The following SLC24A3 variants were observed in gnomAD, a reference collection of about 807,000 sequenced individuals.
SLC24A3 encodes solute carrier family 24 member 3, also known as sodium/potassium/calcium exchanger 3.
Under a neutral mutation model 75.8 loss-of-function variants are expected in SLC24A3, and 28 were observed. That is an observed-to-expected ratio of 0.37 (90% CI 0.27 to 0.51). The LOEUF (loss-of-function observed/expected upper bound fraction) is 0.51, where lower values mean the gene tolerates loss of function less well. Among genes scored for constraint, SLC24A3 ranks in the 20% least tolerant of loss-of-function variants. The pLI, the probability that SLC24A3 is intolerant of heterozygous loss-of-function variation, is 0.94. For missense variants in SLC24A3, 663 were observed against 847.8 expected (o/e 0.78, Z 2.71); for synonymous variants, 372 against 334.1 (o/e 1.11, Z -1.24).
At chr20:19,590,557 A>C (rs2031361018) in intron 6 of SLC24A3, among the ~76,000 whole-genome samples, 1 of 152,148 alleles carries the variant, frequency 6.6e-6, no homozygotes, top group Non-Finnish European at 1.5e-5. Context: ...AGAGCAAGTG[A>C]TCTGTTGAGA....
intron 6 of SLC24A3, among the ~76,000 whole-genome samples, chr20:19,586,407 A>C (rs2031296532): frequency 6.6e-6 from 1 of 152,154 alleles, no homozygotes; most frequent in African/African-American, 2.4e-5. Flanking sequence ...CTCCACTTAC[A>C]ATATCAAGGA....
intron 1 of SLC24A3, among the ~76,000 whole-genome samples, chr20:19,215,452 G>A (rs6136651): frequency 0.08 from 12,128 of 152,062 alleles, 1,982 homozygotes; most frequent in East Asian, 0.7. Flanking sequence ...TAATCTCATA[G>A]GGGGTACCTT....
At chr20:19,392,682 C>T (rs1412898586) in intron 2 of SLC24A3, among the ~76,000 whole-genome samples, 1 of 152,160 alleles carries the variant, frequency 6.6e-6, no homozygotes. Context: ...GGCAATGGTC[C>T]TCCTGTTACC....
chr20:19,572,602 T>C (rs1289501783), intron 3 of SLC24A3, among the ~76,000 whole-genome samples: 1 of 152,144 alleles, frequency 6.6e-6, no homozygotes, highest in African/African-American at 2.4e-5. Flanking sequence ...TATTTGAAAG[T>C]CAACGGAGCT....
chr20:19,398,975 T>C (rs1986504169), intron 2 of SLC24A3, among the ~76,000 whole-genome samples: 1 of 152,198 alleles, frequency 6.6e-6, no homozygotes, highest in Non-Finnish European at 1.5e-5. Flanking sequence ...ATAAATTCGA[T>C]TTCTTTAGTA....
intron 2 of SLC24A3, among the ~76,000 whole-genome samples, chr20:19,296,563 A>G (rs1984065311): frequency 1.3e-5 from 2 of 152,166 alleles, no homozygotes; most frequent in Admixed American, 6.6e-5. Context: ...TCCTAAATAC[A>G]TATGCACCCA....
intron 1 of SLC24A3, among the ~76,000 whole-genome samples, chr20:19,259,084 A>C (rs1269681084): frequency 6.6e-6 from 1 of 152,188 alleles, no homozygotes; most frequent in African/African-American, 2.4e-5. Flanking sequence ...GCTCAGAGAT[A>C]ATTTGCTTCT....
intron 2 of SLC24A3, among the ~76,000 whole-genome samples, chr20:19,379,663 T>A (rs1384157139): frequency 2.6e-5 from 4 of 152,122 alleles, no homozygotes. Flanking sequence ...CTGCTTCCAC[T>A]GCATAATAGT....
chr20:19,379,213 C>T (rs752191250), intron 2 of SLC24A3, among the ~76,000 whole-genome samples: 6 of 152,108 alleles, frequency 3.9e-5, no homozygotes, highest in East Asian at 1.9e-4. Context: ...TCATTTACTC[C>T]GTCACATATG....
Position 19,379,722 on chromosome 20 carries a change from C to T in SLC24A3, c.271+98635C>T, listed in dbSNP as rs534479021. 6.6e-5 allele frequency among the ~76,000 whole-genome samples: 10 copies of T among 152,294 alleles called. 1 individual carries two copies. The South Asian group carries it at 2.1e-3, about 32-fold the overall frequency. On this transcript the variant is annotated intron_variant, in intron 2 of 16. Coordinates refer to ENST00000328041, the MANE Select transcript of SLC24A3 (RefSeq NM_020689.4). ...ACAAGCCTCCCCTCCTCCCTCCAGG[C>T]CACTGTATCTTACAACAACAACAAT...
At chr20:19,698,286 G>A (rs192477378) in intron 14 of SLC24A3, among the ~76,000 whole-genome samples, 2 of 152,348 alleles carry the variant, frequency 1.3e-5, no homozygotes, top group East Asian at 3.9e-4. Context: ...ATGAGATTTT[G>A]TGGGGACACA....
intron 1 of SLC24A3, among the ~76,000 whole-genome samples, chr20:19,277,011 C>T (rs1983510236): frequency 6.6e-6 from 1 of 152,146 alleles, no homozygotes; most frequent in Admixed American, 6.5e-5. Context: ...GAAATAAGAC[C>T]AGTGAGACTT....
intron 2 of SLC24A3, among the ~76,000 whole-genome samples, chr20:19,384,542 G>A (rs748464619): frequency 4.6e-5 from 7 of 152,156 alleles, no homozygotes; most frequent in Non-Finnish European, 7.3e-5. Flanking sequence ...ATTCCATTGT[G>A]TATATATACC....
rs11905986 is a variant in SLC24A3 at position 19,504,197 on chromosome 20, A to G, written c.272-11291A>G. 2.0e-3 allele frequency among the ~76,000 whole-genome samples: 306 copies of G among 152,334 alleles called. 1 individual carries two copies. The highest frequency in any genetic ancestry group is 6.9e-3 in the African/African-American group (288 of 41,566). On this transcript the variant is annotated intron_variant, in intron 2 of 16. Coordinates refer to ENST00000328041, the MANE Select transcript of SLC24A3 (RefSeq NM_020689.4). Reference sequence around the variant, plus strand: ...TTGGCAGTCGTGGAATAACAACATCAGGAGGAAAGAAAAAGGGCAGTTTTT... The same window carrying G: ...TTGGCAGTCGTGGAATAACAACATCGGGAGGAAAGAAAAAGGGCAGTTTTT...
intron 2 of SLC24A3, among the ~76,000 whole-genome samples, chr20:19,322,136 A>T (rs73126824): frequency 0.028 from 4,234 of 152,144 alleles, 83 homozygotes; most frequent in Non-Finnish European, 0.039. Context: ...CACCAGGTTG[A>T]TGCTTTGTCT....
At chr20:19,280,887 C>T (rs996688804) in intron 1 of SLC24A3, 72 bp from the exon 2 acceptor site, 62 of 1,540,314 alleles carry the variant, frequency 4.0e-5, no homozygotes, top group African/African-American at 3.1e-4. Flanking sequence ...ATCAGGGCAG[C>T]GGGCATGCAG....
intron 2 of SLC24A3, among the ~76,000 whole-genome samples, chr20:19,328,030 G>A (rs893955792): frequency 1.3e-5 from 2 of 152,170 alleles, no homozygotes; most frequent in African/African-American, 4.8e-5. Flanking sequence ...GGGGGAGTTT[G>A]GAGGGCTTGC....
At chr20:19,368,031 G>A (rs1189225003) in intron 2 of SLC24A3, among the ~76,000 whole-genome samples, 1 of 152,224 alleles carries the variant, frequency 6.6e-6, no homozygotes, top group Non-Finnish European at 1.5e-5. Flanking sequence ...AGTAAAGGTA[G>A]ATATTCAAGT....
At chr20:19,448,457 C>T (rs187439511) in intron 2 of SLC24A3, among the ~76,000 whole-genome samples, 12 of 152,292 alleles carry the variant, frequency 7.9e-5, no homozygotes, top group African/African-American at 1.4e-4. Flanking sequence ...AAGCCTCGTC[C>T]GCCTGACTTC....
Sources: gnomAD v4.1 joint callset for allele counts (sites outside exome capture counted in the v4.1 genomes callset) on GRCh38, gnomAD v4.1.1 for gene constraint, MANE v1.5 for transcripts, NCBI Gene and HGNC (gene_info 2026-07-23, HGNC 2026-07-21) for gene names.